The following METTL3 variants were observed in gnomAD, a reference collection of about 807,000 sequenced individuals.
METTL3 encodes methyltransferase 3, N6-adenosine-methyltransferase complex catalytic subunit, also known as N(6)-adenosine-methyltransferase catalytic subunit METTL3.
METTL3 carries 42 observed loss-of-function variants against 64.3 expected under a neutral mutation model. The ratio of observed to expected loss-of-function variants is 0.65; its 90% CI spans 0.51 to 0.84. METTL3 has a LOEUF of 0.84. METTL3 is among the 40% of genes least tolerant of loss of function. METTL3 has a pLI of 0.00. For synonymous variants in METTL3, 256 were observed against 263.6 expected, an observed-to-expected ratio of 0.97 and a Z score of 0.28; for missense variants, 435 against 722.3, an observed-to-expected ratio of 0.60 and a Z score of 4.56.
chr14:21,511,224 C>T lies in METTL3; in HGVS notation c.-1G>A. The T allele has an allele frequency of 6.2e-7, 1 of 1,613,396 alleles. No individual in the cohort carries two copies. Among genetic ancestry groups the T allele is most frequent in the Non-Finnish European group, 8.5e-7 (1 of 1,179,752 alleles). ...GGATAGAGCTCCACGTGTCCGACATCCTAGTCTCCCAGCCCTGACACCTCT... is the reference window on the plus strand; with the variant it reads ...GGATAGAGCTCCACGTGTCCGACATTCTAGTCTCCCAGCCCTGACACCTCT... On this transcript the variant is annotated 5_prime_UTR_variant, in exon 1 of 11. Transcript: ENST00000298717.
In METTL3 at chr14:21,511,271, G is replaced by C. The variant is rs1437204547; in HGVS notation, c.-48C>G. On this transcript the variant is annotated 5_prime_UTR_variant, in exon 1 of 11. Transcript: ENST00000298717. ...CTCTCGAATAAGGCGCGGCGGACTA[G>C]CACCTCCCAGCACTCGCTCCAGGAT... 2 of 1,580,948 alleles carry C rather than the reference G, an allele frequency of 1.3e-6. No individual in the cohort carries two copies. Among genetic ancestry groups the C allele is most frequent in the East Asian group, 2.3e-5 (1 of 42,618 alleles).
At chr14:21,506,871 A>C (rs897218327) in intron 1 of METTL3, among the ~76,000 whole-genome samples, 2 of 152,126 alleles carry the variant, frequency 1.3e-5, no homozygotes, top group African/African-American at 2.4e-5. Flanking sequence ...TTGCCCAAAA[A>C]ATACTAAAAA....
rs748090896 is a variant in METTL3, at chr14:21,511,248, C to G, written c.-25G>C. 1 of 1,608,674 alleles carries G rather than the reference C, an allele frequency of 6.2e-7. No individual in the cohort carries two copies. The highest frequency in any genetic ancestry group is 8.5e-7 in the Non-Finnish European group (1 of 1,177,650). ...TCCTAGTCTCCCAGCCCTGACACCT[C>G]TCGAATAAGGCGCGGCGGACTAGCA... On this transcript the variant is annotated 5_prime_UTR_variant, in exon 1 of 11. Transcript: ENST00000298717.
chr14:21,502,012 C>CTTTTTTT, intron 3 of METTL3, 109 bp from the exon 4 acceptor site: 11 of 457,330 alleles, frequency 2.4e-5, no homozygotes, highest in Admixed American at 9.3e-5. Flanking sequence ...GATAAATCAA[C>CTTTTTTT]TTTTTTTTTT....
intron 4 of METTL3, 74 bp from the exon 5 acceptor site, chr14:21,501,203 C>T: frequency 8.5e-7 from 1 of 1,175,188 alleles, no homozygotes; most frequent in Non-Finnish European, 1.2e-6. Flanking sequence ...CAAATGATTT[C>T]AAAATGTCTA....
intron 6 of METTL3, 85 bp downstream of exon 6, chr14:21,500,410 C>G: frequency 7.3e-7 from 1 of 1,363,126 alleles, no homozygotes; most frequent in Non-Finnish European, 1.0e-6. Context: ...AATAGTGGGG[C>G]TAGGAAAACC....
At chr14:21,511,082 C>T in intron 1 of METTL3, 42 bp downstream of exon 1, 1 of 1,604,676 alleles carries the variant, frequency 6.2e-7, no homozygotes, top group South Asian at 1.1e-5. Context: ...TCCCGCCCGT[C>T]CTCCCCGGTT....
At chr14:21,505,549 G>A (rs1338803436) in intron 1 of METTL3, among the ~76,000 whole-genome samples, 1 of 152,144 alleles carries the variant, frequency 6.6e-6, no homozygotes, top group Non-Finnish European at 1.5e-5. Context: ...GTTATCAGGA[G>A]GAGGGAGCTT....
intron 6 of METTL3, among the ~76,000 whole-genome samples, 173 bp downstream of exon 6, chr14:21,500,322 C>T (rs1891528703): frequency 6.6e-6 from 1 of 151,664 alleles, no homozygotes; most frequent in Admixed American, 6.6e-5. Context: ...TGAGATCACA[C>T]TACTGCACTC....
chr14:21,509,740 AT>A (rs1369240457), intron 1 of METTL3, among the ~76,000 whole-genome samples: 1 of 152,218 alleles, frequency 6.6e-6, no homozygotes, highest in Non-Finnish European at 1.5e-5. Context: ...ATTTATGCAC[AT>A]TTTTAAAAAG....
chr14:21,511,057 C>A, intron 1 of METTL3, 67 bp downstream of exon 1: 3 of 1,562,560 alleles, frequency 1.9e-6, no homozygotes, highest in Non-Finnish European at 2.6e-6. Context: ...GACTCTGGAG[C>A]TTTTTCTCTA....
intron 3 of METTL3, 110 bp from the exon 4 acceptor site, chr14:21,502,013 T>C (rs958322314): frequency 9.4e-5 from 4 of 42,664 alleles, no homozygotes; most frequent in Admixed American, 2.8e-4. Context: ...ATAAATCAAC[T>C]TTTTTTTTTT....
At position 21,501,012 on chromosome 14, in the gene METTL3, A is replaced by G. The variant is rs746132001; in HGVS notation, c.1017T>C (p.Ser339=). The G allele has an allele frequency of 1.2e-6, 2 of 1,614,210 alleles. No homozygotes were observed. The highest frequency in any genetic ancestry group is 4.5e-5 in the East Asian group (2 of 44,884). The change falls in exon 5 of 11, where the codon TCT becomes TCC. Residue 339 remains serine, a synonymous_variant. Transcript: ENST00000298717. ...VHYEIDACMD[S]EAPGSKDHTP... ...TGTGGTCTTTGCTGCCAGGGGCCTC[A>G]GAATCCATGCAAGCATCAATTTCAT...
At chr14:21,498,670 G>A (rs1181570849) in intron 10 of METTL3, 1 of 489,526 alleles carries the variant, frequency 2.0e-6, no homozygotes, top group Non-Finnish European at 3.6e-6. Context: ...CTAGCAGCAT[G>A]TGTTTTAAGC....
intron 1 of METTL3, among the ~76,000 whole-genome samples, chr14:21,509,721 G>A (rs1891783663): frequency 6.6e-6 from 1 of 152,222 alleles, no homozygotes; most frequent in East Asian, 1.9e-4. Flanking sequence ...AAAAAAAGTC[G>A]TTGGCATCAT....
intron 1 of METTL3, among the ~76,000 whole-genome samples, chr14:21,509,138 G>C (rs1160957281): frequency 6.6e-6 from 1 of 151,888 alleles, no homozygotes; most frequent in Non-Finnish European, 1.5e-5. Context: ...TCAGGAGTTA[G>C]AGATCAGCCT....
rs769876643 is a variant in METTL3 at position 21,500,539 on chromosome 14, G to A, written c.1260C>T (p.Pro420=). The change falls in exon 6 of 11, where the codon CCC becomes CCT. Residue 420 remains proline (P), a synonymous_variant. Coordinates refer to ENST00000298717, the MANE Select transcript of METTL3 (RefSeq NM_019852.5). ...AGAGAAAGCCATCATCCTGTAGTAC[G>A]GGTATGTTGAGCCTGCGCATCTCAT... ...TDDEMRRLNI[P]VLQDDGFLFL... is the part of the protein sequence containing the mutation. 2.9e-5 allele frequency: 47 copies of A among 1,613,984 alleles called. No homozygotes were observed. Among genetic ancestry groups the A allele is most frequent in the East Asian group, 1.6e-4 (7 of 44,892 alleles).
chr14:21,509,943 C>T (rs761455451), intron 1 of METTL3, among the ~76,000 whole-genome samples: 5 of 152,172 alleles, frequency 3.3e-5, no homozygotes, highest in Non-Finnish European at 5.9e-5. Context: ...CTCCACTATC[C>T]TCCCCTCTTA....
intron 3 of METTL3, chr14:21,502,284 A>G (rs114236505): frequency 0.016 from 2,862 of 174,392 alleles, 82 homozygotes; most frequent in African/African-American, 0.054. Context: ...TTGGCCTCCC[A>G]AAGTGTTGAG....
Sources: gnomAD v4.1 joint callset for allele counts (sites outside exome capture counted in the v4.1 genomes callset) on GRCh38, gnomAD v4.1.1 for gene constraint, MANE v1.5 for transcripts, NCBI Gene and HGNC (gene_info 2026-07-23, HGNC 2026-07-21) for gene names.